The following PCCA variants were observed in gnomAD, a reference collection of about 807,000 sequenced individuals.
PCCA encodes the protein propionyl-CoA carboxylase subunit alpha.
A neutral mutation model predicts 101.3 loss-of-function variants in PCCA; 74 were observed. The ratio of observed to expected loss-of-function variants is 0.73; its 90% CI spans 0.61 to 0.89. The LOEUF is 0.89. Among genes scored for constraint, PCCA ranks in the 40% least tolerant of loss-of-function variants. The pLI, the probability that PCCA is intolerant of heterozygous loss-of-function variation, is 0.00. For missense variants in PCCA, 891 were observed against 907.0 expected (o/e 0.98, Z 0.23); for synonymous variants, 294 against 313.6 (o/e 0.94, Z 0.66).
chr13:100,521,386 G>A (rs969457063), intron 22 of PCCA, among the ~76,000 whole-genome samples: 2 of 152,222 alleles, frequency 1.3e-5, no homozygotes, highest in Non-Finnish European at 2.9e-5. Context: ...GAGGCCGCTC[G>A]TGCATGGGCC....
intron 10 of PCCA, among the ~76,000 whole-genome samples, chr13:100,265,580 A>G (rs2062874764): frequency 6.6e-6 from 1 of 151,844 alleles, no homozygotes; most frequent in South Asian, 2.1e-4. Context: ...GCCTACACCC[A>G]CCCACTCCCA....
At chr13:100,416,443 A>G (rs1375137168) in intron 19 of PCCA, among the ~76,000 whole-genome samples, 2 of 151,930 alleles carry the variant, frequency 1.3e-5, no homozygotes, top group African/African-American at 4.8e-5. Context: ...CGGCCTCCCA[A>G]AATTCTGGGA....
chr13:100,234,967 T>C (rs2060705439), intron 7 of PCCA, among the ~76,000 whole-genome samples: 1 of 152,014 alleles, frequency 6.6e-6, no homozygotes, highest in Admixed American at 6.6e-5. Flanking sequence ...ATTATCTTTA[T>C]TGTTATTTGG....
chr13:100,226,217 A>G (rs958245274), intron 7 of PCCA, among the ~76,000 whole-genome samples: 2 of 152,228 alleles, frequency 1.3e-5, no homozygotes, highest in Admixed American at 6.5e-5. Context: ...TTTACTTTAT[A>G]TATGAATGCA....
chr13:100,251,220 C>T (rs1031782447), intron 8 of PCCA, among the ~76,000 whole-genome samples: 4 of 152,068 alleles, frequency 2.6e-5, no homozygotes, highest in Non-Finnish European at 4.4e-5. Context: ...TCATACTATC[C>T]AGCAGTTGTG....
At chr13:100,504,815 C>T (rs781221259) in intron 21 of PCCA, among the ~76,000 whole-genome samples, 112 of 152,126 alleles carry the variant, frequency 7.4e-4, no homozygotes, top group Non-Finnish European at 5.3e-4. Context: ...TGCCTGTAGT[C>T]CCAACTACTC....
chr13:100,151,318 G>A (rs966265049), intron 4 of PCCA, among the ~76,000 whole-genome samples: 1 of 152,114 alleles, frequency 6.6e-6, no homozygotes, highest in Admixed American at 6.5e-5. Flanking sequence ...TTGGCTGGGC[G>A]CGGTGGCTCA....
chr13:100,456,705 G>A (rs1047858106), intron 21 of PCCA, among the ~76,000 whole-genome samples: 2 of 152,162 alleles, frequency 1.3e-5, no homozygotes, highest in Admixed American at 6.5e-5. Context: ...GCACTTATAA[G>A]AAAGATCAAA....
intron 18 of PCCA, among the ~76,000 whole-genome samples, chr13:100,361,705 C>T (rs553252131): frequency 1.9e-4 from 29 of 152,078 alleles, no homozygotes; most frequent in Non-Finnish European, 3.7e-4. Flanking sequence ...TGATAAGATG[C>T]GGTTTCCCAG....
intron 7 of PCCA, among the ~76,000 whole-genome samples, chr13:100,229,247 A>T (rs1011638203): frequency 1.3e-5 from 2 of 152,230 alleles, no homozygotes; most frequent in African/African-American, 4.8e-5. Flanking sequence ...GTTTTGCCCA[A>T]TGCCAACAGT....
At chr13:100,441,433 A>G (rs912882700) in intron 20 of PCCA, among the ~76,000 whole-genome samples, 39 of 152,178 alleles carry the variant, frequency 2.6e-4, no homozygotes, top group Non-Finnish European at 4.4e-5. Context: ...TTATTATCCT[A>G]GGAAGGTATT....
chr13:100,197,409 G>T lies in PCCA; in HGVS notation c.469-11923G>T, dbSNP rs1330873157. The stretch of plus-strand genomic sequence containing the variant: ...AGGGCCCCACTGTGTTGTCCAGGCT[G>T]ATCTTGAACTCCTGGGCTTTACCTT... On this transcript the variant is annotated intron_variant, in intron 6 of 23. Transcript: ENST00000376285. Among the ~76,000 whole-genome samples the T allele has an allele frequency of 2.6e-5, 4 of 151,972 alleles. No homozygotes were observed. The South Asian group carries it at 8.4e-4, about 32-fold the overall frequency.
intron 19 of PCCA, among the ~76,000 whole-genome samples, chr13:100,417,104 A>C (rs983853547): frequency 5.3e-5 from 8 of 152,050 alleles, no homozygotes; most frequent in Non-Finnish European, 1.2e-4. Flanking sequence ...TGGCCTCCCA[A>C]AGTGCTGGGA....
intron 22 of PCCA, among the ~76,000 whole-genome samples, chr13:100,520,219 C>T (rs888923597): frequency 1.3e-5 from 2 of 152,198 alleles, no homozygotes; most frequent in Non-Finnish European, 2.9e-5. Flanking sequence ...AACAATGAGA[C>T]ATTACATATA....
At chr13:100,317,799 A>G (rs544001100) in intron 16 of PCCA, among the ~76,000 whole-genome samples, 1 of 151,994 alleles carries the variant, frequency 6.6e-6, no homozygotes, top group South Asian at 2.1e-4. Context: ...TGTTGCCTAG[A>G]CTGGTCTTGA....
At chr13:100,106,197 G>A (rs946303029) in intron 2 of PCCA, among the ~76,000 whole-genome samples, 3 of 152,062 alleles carry the variant, frequency 2.0e-5, no homozygotes, top group Non-Finnish European at 2.9e-5. Context: ...CAAAGTACAG[G>A]AAGTTAAGAT....
chr13:100,271,276 G>A (rs2063297503), intron 11 of PCCA, among the ~76,000 whole-genome samples: 1 of 151,978 alleles, frequency 6.6e-6, no homozygotes, highest in Admixed American at 6.6e-5. Flanking sequence ...TATACATTAG[G>A]TTAATGCAAA....
intron 12 of PCCA, among the ~76,000 whole-genome samples, chr13:100,295,940 T>C (rs988094541): frequency 3.3e-5 from 5 of 152,244 alleles, no homozygotes; most frequent in African/African-American, 1.2e-4. Context: ...TCAACTCAGG[T>C]ATATAATTAA....
At chr13:100,237,560 G>A (rs1171593812) in intron 8 of PCCA, 2 of 152,074 alleles carry the variant, frequency 1.3e-5, no homozygotes, top group Non-Finnish European at 2.9e-5. Flanking sequence ...TGAAATCACT[G>A]GTATTCCTCA....
Sources: allele counts gnomAD v4.1 joint callset (sites outside exome capture counted in the v4.1 genomes callset), GRCh38; gene constraint gnomAD v4.1.1; transcripts MANE v1.5; gene names NCBI Gene and HGNC (gene_info 2026-07-23, HGNC 2026-07-21).